MME: variants seen among roughly 807,000 people sequenced by gnomAD.
The protein encoded by MME is membrane metalloendopeptidase.
A neutral mutation model predicts 113.2 loss-of-function variants in MME; 98 were observed. The observed-to-expected ratio is 0.87, with a 90% CI of 0.74 to 1.02. MME has a LOEUF of 1.02. Ranked by LOEUF, MME falls within the 50% of genes least tolerant of loss-of-function variation. The pLI is 0.00. For synonymous variants in MME, 292 were observed against 300.6 expected (o/e 0.97, Z 0.30); for missense variants, 836 against 896.0 (o/e 0.93, Z 0.86).
intron 3 of MME, among the ~76,000 whole-genome samples, chr3:155,113,373 G>T (rs577877640): frequency 1.3e-5 from 2 of 152,134 alleles, no homozygotes; most frequent in Non-Finnish European, 2.9e-5. Flanking sequence ...TCCACCTCCC[G>T]AGTTCAAGCT....
intron 3 of MME, among the ~76,000 whole-genome samples, chr3:155,095,762 C>A (rs187653483): frequency 2.2e-4 from 33 of 152,102 alleles, no homozygotes. Context: ...ACTAAAATAC[C>A]CCCTGCCGTC....
At chr3:155,177,397 G>T (rs1383765274) in intron 22 of MME, among the ~76,000 whole-genome samples, 1 of 152,132 alleles carries the variant, frequency 6.6e-6, no homozygotes, top group Admixed American at 6.5e-5. Flanking sequence ...ATGAATCAAA[G>T]CTCCTCTCTA....
chr3:155,046,033 TG>T (rs950743526), intron 1 of MME, among the ~76,000 whole-genome samples: 6 of 152,282 alleles, frequency 3.9e-5, no homozygotes, highest in Admixed American at 2.6e-4. Context: ...TCACCAAATT[TG>T]GGGAATTTTA....
intron 22 of MME, among the ~76,000 whole-genome samples, chr3:155,179,473 C>G (rs1014503322): frequency 6.6e-6 from 1 of 152,116 alleles, no homozygotes; most frequent in African/African-American, 2.4e-5. Context: ...CAGTAGTACA[C>G]CTGCCACGTA....
At chr3:155,105,162 T>C (rs1717585100) in intron 3 of MME, among the ~76,000 whole-genome samples, 1 of 152,200 alleles carries the variant, frequency 6.6e-6, no homozygotes, top group African/African-American at 2.4e-5. Flanking sequence ...GAGTGCCAAC[T>C]GAAGTTTATT....
intron 1 of MME, among the ~76,000 whole-genome samples, chr3:155,059,811 T>C (rs1284441056): frequency 6.6e-6 from 1 of 152,200 alleles, no homozygotes; most frequent in Non-Finnish European, 1.5e-5. Flanking sequence ...CTGAATTTTA[T>C]ATAGTCTAAT....
At chr3:155,149,486 A>T (rs1256395887) in intron 16 of MME, among the ~76,000 whole-genome samples, 1 of 152,110 alleles carries the variant, frequency 6.6e-6, no homozygotes, top group African/African-American at 2.4e-5. Flanking sequence ...CATGCCAAAG[A>T]GGTGCTTGTT....
chr3:155,055,749 T>G (rs1165048450), intron 1 of MME, among the ~76,000 whole-genome samples: 2 of 152,220 alleles, frequency 1.3e-5, no homozygotes, highest in African/African-American at 2.4e-5. Flanking sequence ...CCTGAGGCAC[T>G]AGCCGTGTTC....
At chr3:155,124,207 G>A (rs200141103) in intron 8 of MME, among the ~76,000 whole-genome samples, 54,401 of 148,606 alleles carry the variant, frequency 0.37, 10,105 homozygotes, top group South Asian at 0.55. Flanking sequence ...CCAGTTGATC[G>A]CATCAGCTCC....
chr3:155,045,898 AGATTT>A (rs2108124425), intron 1 of MME, among the ~76,000 whole-genome samples: 1 of 152,188 alleles, frequency 6.6e-6, no homozygotes, highest in South Asian at 2.1e-4. Flanking sequence ...GGATAGTATT[AGATTT>A]ATCTGTTCAT....
In MME at chr3:155,144,319, T is replaced by C. The variant is rs745745160; in HGVS notation, c.1318-40T>C. 3.1e-6 allele frequency: 4 copies of C among 1,301,806 alleles called. No individual in the cohort carries two copies. The Admixed American group carries it at 6.7e-5, about 22-fold the overall frequency. The allele number at this position is 1,301,806 out of a possible 1,614,324, so 80.6% of individuals were successfully genotyped here. A position where few individuals can be genotyped will look rare whatever the true frequency, so the allele number is the denominator to read the frequency against. ...TTTTAAAAATCTGTGTTACAAAGAATGAATTAATGACCTATATTTGTCTTC... is the reference window on the plus strand; with the variant it reads ...TTTTAAAAATCTGTGTTACAAAGAACGAATTAATGACCTATATTTGTCTTC... On this transcript the variant is annotated intron_variant, in intron 13 of 22. Coordinates refer to ENST00000360490, the MANE Select transcript of MME (RefSeq NM_007289.4).
intron 7 of MME, among the ~76,000 whole-genome samples, chr3:155,117,659 A>G (rs1718741443): frequency 6.7e-6 from 1 of 149,168 alleles, no homozygotes; most frequent in South Asian, 2.1e-4. Flanking sequence ...AGGCTACTGA[A>G]TCACCTAATC....
chr3:155,061,187 T>G (rs1714124025), intron 1 of MME, among the ~76,000 whole-genome samples: 1 of 152,158 alleles, frequency 6.6e-6, no homozygotes. Context: ...GCGCGGTGGC[T>G]CACGCCTGTA....
intron 16 of MME, among the ~76,000 whole-genome samples, chr3:155,155,064 A>G (rs1409947491): frequency 6.6e-6 from 1 of 152,190 alleles, no homozygotes; most frequent in East Asian, 1.9e-4. Context: ...GAGTCTTTGC[A>G]GATTTTCATT....
intron 1 of MME, among the ~76,000 whole-genome samples, chr3:155,070,716 T>G (rs1234047585): frequency 6.6e-6 from 1 of 152,204 alleles, no homozygotes; most frequent in Non-Finnish European, 1.5e-5. Flanking sequence ...TTGAATATGA[T>G]TTTTTCAAGT....
intron 17 of MME, among the ~76,000 whole-genome samples, chr3:155,164,143 C>CAA (rs34922274): frequency 0.02 from 1,815 of 90,072 alleles, 46 homozygotes; most frequent in African/African-American, 0.06. Flanking sequence ...GACCCTGTTT[C>CAA]AAAAAAAAAA....
At position 155,025,275 on chromosome 3, in the gene MME, G is replaced by C. The variant is rs145037000; in HGVS notation, c.-11+951G>C. ...AGTGACCAGAGATAAACTCTGATGGGTTTGTGCTTTATTCTTCTAAAATTG... is the reference window on the plus strand; with the variant it reads ...AGTGACCAGAGATAAACTCTGATGGCTTTGTGCTTTATTCTTCTAAAATTG... On this transcript the variant is annotated intron_variant, in intron 1 of 22. Coordinates refer to the MME transcript ENST00000492661. Among the ~76,000 whole-genome samples the C allele has an allele frequency of 2.8e-3, 432 of 152,262 alleles. 3 individuals carry two copies. Among genetic ancestry groups the C allele is most frequent in the African/African-American group, 1.0e-2 (415 of 41,542 alleles).
chr3:155,049,075 T>C (rs1407852751), intron 1 of MME, among the ~76,000 whole-genome samples: 1 of 152,168 alleles, frequency 6.6e-6, no homozygotes, highest in African/African-American at 2.4e-5. Flanking sequence ...TTATTTTATT[T>C]TTTATTTCAA....
intron 17 of MME, among the ~76,000 whole-genome samples, chr3:155,162,981 C>A (rs1356920654): frequency 6.8e-6 from 1 of 146,698 alleles, no homozygotes; most frequent in Non-Finnish European, 1.5e-5. Flanking sequence ...CCACTGTACT[C>A]CAGCCTGGGT....
Sources: gnomAD v4.1 joint callset for allele counts (sites outside exome capture counted in the v4.1 genomes callset) on GRCh38, gnomAD v4.1.1 for gene constraint, MANE v1.5 for transcripts, NCBI Gene and HGNC (gene_info 2026-07-23, HGNC 2026-07-21) for gene names.